Variants in SH3BP5 observed in about 807,000 individuals in gnomAD.
SH3BP5 encodes the protein SH3 domain-binding protein 5.
SH3BP5 carries 22 observed loss-of-function variants against 43.3 expected under a neutral mutation model. The ratio of observed to expected loss-of-function variants is 0.51; its 90% CI spans 0.36 to 0.73. SH3BP5 has a LOEUF of 0.73. Ranked by LOEUF, SH3BP5 falls within the 30% of genes least tolerant of loss-of-function variation. The pLI is 0.00. For synonymous variants in SH3BP5, 255 were observed against 225.8 expected (o/e 1.13, Z -1.16); for missense variants, 529 against 586.9 (o/e 0.90, Z 1.02).
At chr3:15,315,668 C>T (rs1698167421) in intron 2 of SH3BP5, among the ~76,000 whole-genome samples, 1 of 152,154 alleles carries the variant, frequency 6.6e-6, no homozygotes, top group African/African-American at 2.4e-5. Flanking sequence ...TCTGATCTAA[C>T]TATGAAGGGT....
chr3:15,280,543 C>A (rs552198162), intron 3 of SH3BP5, among the ~76,000 whole-genome samples: 2 of 152,118 alleles, frequency 1.3e-5, no homozygotes, highest in Non-Finnish European at 2.9e-5. Context: ...AATAAATTGG[C>A]CTGCTCAAAG....
At chr3:15,336,974 T>C (rs572504964), upstream of SH3BP5, among the ~76,000 whole-genome samples, 3 of 151,936 alleles carry the variant, frequency 2.0e-5, no homozygotes, top group Non-Finnish European at 4.4e-5. Context: ...CCTGGTTCAA[T>C]CCCACAGTCT....
intron 3 of SH3BP5, among the ~76,000 whole-genome samples, chr3:15,302,317 G>A (rs929309258): frequency 6.6e-6 from 1 of 152,166 alleles, no homozygotes; most frequent in African/African-American, 2.4e-5. Flanking sequence ...AATTCTAGAG[G>A]CCTGGGCAGG....
chr3:15,332,549 T>C lies in SH3BP5; in HGVS notation c.-141A>G. On this transcript the variant is annotated 5_prime_UTR_variant, in exon 1 of 9. Transcript: ENST00000383791. ...GGGGCCGACACCCGGGAGACGCAGC[T>C]CGCCGATGCGGATACCTCCGGCCGC... 8.1e-7 allele frequency: 1 copy of C among 1,236,658 alleles called. No homozygotes were observed. The highest frequency in any genetic ancestry group is 3.4e-5 in the East Asian group (1 of 29,224). The allele number at this position is 1,236,658 out of a possible 1,614,324, so 76.6% of individuals were successfully genotyped here.
At chr3:15,330,627 A>T in intron 1 of SH3BP5, 61 bp from the exon 2 acceptor site, 2 of 1,452,658 alleles carry the variant, frequency 1.4e-6, no homozygotes, top group Non-Finnish European at 1.8e-6. Context: ...TTCCAATATA[A>T]CTCAGTCCAT....
At chr3:15,279,125 G>C (rs952561563) in intron 3 of SH3BP5, among the ~76,000 whole-genome samples, 2 of 152,054 alleles carry the variant, frequency 1.3e-5, no homozygotes, top group Non-Finnish European at 2.9e-5. Flanking sequence ...AGCCGAGATC[G>C]CACCACTGCA....
intron 2 of SH3BP5, among the ~76,000 whole-genome samples, chr3:15,318,530 CAAA>C (rs59276192): frequency 6.7e-5 from 7 of 105,206 alleles, no homozygotes; most frequent in Admixed American, 1.0e-4. Context: ...CTGTCAGCTC[CAAA>C]AAAAAAAAAA....
chr3:15,260,802 C>G (rs1696409066), intron 5 of SH3BP5, among the ~76,000 whole-genome samples: 1 of 152,112 alleles, frequency 6.6e-6, no homozygotes. Context: ...GTGGAATGCA[C>G]AGATGTACAT....
In SH3BP5 at chr3:15,288,769, G is replaced by C. The variant is rs570797228; in HGVS notation, c.330+15334C>G. Among the ~76,000 whole-genome samples the C allele has an allele frequency of 4.6e-5, 7 of 152,254 alleles. No individual in the cohort carries two copies. The South Asian group carries it at 1.0e-3, about 23-fold the overall frequency. On this transcript the variant is annotated intron_variant, in intron 3 of 8. Coordinates refer to ENST00000383791, the MANE Select transcript of SH3BP5 (RefSeq NM_004844.5). ...AAACAAAACAAACAAACAAAAAAAG[G>C]CTATTTCAATGCTCTGGGTAAGACA...
intron 6 of SH3BP5, chr3:15,259,294 A>G (rs1440387845): frequency 5.2e-6 from 3 of 578,128 alleles, no homozygotes; most frequent in Non-Finnish European, 9.2e-6. Context: ...TGGTGGAACA[A>G]ACCCCATCAG....
At chr3:15,281,620 G>A (rs1211852220) in intron 3 of SH3BP5, among the ~76,000 whole-genome samples, 1 of 152,060 alleles carries the variant, frequency 6.6e-6, no homozygotes, top group African/African-American at 2.4e-5. Context: ...TCCAGTAACT[G>A]CTCCCCAAGT....
At position 15,332,534 on chromosome 3, in the gene SH3BP5, C is replaced by G. The variant is rs1425883011; in HGVS notation, c.-126G>C. On this transcript the variant is annotated 5_prime_UTR_variant, in exon 1 of 9. Transcript: ENST00000383791. ...GGTCGGGGAGCCGCCGGGGCCGACA[C>G]CCGGGAGACGCAGCTCGCCGATGCG... 3 of 1,245,092 alleles carry G rather than the reference C, an allele frequency of 2.4e-6. No individual in the cohort carries two copies. Among genetic ancestry groups the G allele is most frequent in the South Asian group, 3.2e-5 (1 of 30,958 alleles). The allele number at this position is 1,245,092 out of a possible 1,614,324, so 77.1% of individuals were successfully genotyped here.
chr3:15,260,074 CT>C (rs1696378164), intron 5 of SH3BP5: 2 of 502,700 alleles, frequency 4.0e-6, no homozygotes, highest in African/African-American at 3.9e-5. Flanking sequence ...CTTGGGGACT[CT>C]GCAACTTAGC....
intron 5 of SH3BP5, among the ~76,000 whole-genome samples, chr3:15,261,765 CAT>C (rs1156229542): frequency 3.3e-5 from 5 of 151,796 alleles, no homozygotes; most frequent in South Asian, 2.1e-4. Flanking sequence ...TCACAGGAAA[CAT>C]GTATTGTGAA....
chr3:15,275,340 A>C (rs1357943910), intron 3 of SH3BP5, among the ~76,000 whole-genome samples: 2 of 152,210 alleles, frequency 1.3e-5, no homozygotes, highest in African/African-American at 4.8e-5. Flanking sequence ...GAAACCAATC[A>C]ATTTCACAAT....
intron 7 of SH3BP5, among the ~76,000 whole-genome samples, chr3:15,258,368 C>G (rs560159434): frequency 1.3e-5 from 2 of 152,080 alleles, no homozygotes; most frequent in Admixed American, 6.5e-5. Flanking sequence ...GGGGTTGATT[C>G]ATGTAAGCTG....
chr3:15,296,641 T>G (rs1334762805), intron 3 of SH3BP5, among the ~76,000 whole-genome samples: 1 of 151,636 alleles, frequency 6.6e-6, no homozygotes, highest in Non-Finnish European at 1.5e-5. Flanking sequence ...TGAGTTTATA[T>G]CCTACCTTTG....
At chr3:15,268,186 G>A (rs61706582) in intron 4 of SH3BP5, among the ~76,000 whole-genome samples, 1 of 152,364 alleles carries the variant, frequency 6.6e-6, no homozygotes, top group African/African-American at 2.4e-5. Context: ...GCAGGGAGAG[G>A]TGCGTAAAGT....
intron 3 of SH3BP5, among the ~76,000 whole-genome samples, chr3:15,283,491 G>A (rs1208949102): frequency 2.6e-5 from 4 of 152,194 alleles, no homozygotes; most frequent in Non-Finnish European, 5.9e-5. Flanking sequence ...AGGCTGAGCT[G>A]CTCATGGTCC....
Sources: allele counts gnomAD v4.1 joint callset (sites outside exome capture counted in the v4.1 genomes callset), GRCh38; gene constraint gnomAD v4.1.1; transcripts MANE v1.5; gene names NCBI Gene and HGNC (gene_info 2026-07-23, HGNC 2026-07-21).